GPAT3: variants seen among roughly 807,000 people sequenced by gnomAD.
The protein encoded by GPAT3 is glycerol-3-phosphate acyltransferase 3, also known as 1-AGP acyltransferase 9.
A neutral mutation model predicts 58.8 loss-of-function variants in GPAT3; 53 were observed. That is an observed-to-expected ratio of 0.90 (90% CI 0.72 to 1.13). GPAT3 has a LOEUF of 1.13. Among genes scored for constraint, GPAT3 ranks in the 50% most tolerant of loss-of-function variants. The probability of loss-of-function intolerance (pLI) is 0.00; values close to 1 mark genes in which losing one functional copy is unlikely to be tolerated. For missense variants in GPAT3, 511 were observed against 527.6 expected, an observed-to-expected ratio of 0.97 and a Z score of 0.31; for synonymous variants, 197 against 187.4, an observed-to-expected ratio of 1.05 and a Z score of -0.42.
chr4:83,591,076 A>T (rs919260434), intron 6 of GPAT3, among the ~76,000 whole-genome samples: 2 of 152,070 alleles, frequency 1.3e-5, no homozygotes, highest in African/African-American at 4.8e-5. Context: ...CGCCTTTTCA[A>T]ATTTTCATGG....
chr4:83,549,444 C>CGTGTGTGTGT (rs142294690), intron 2 of GPAT3, among the ~76,000 whole-genome samples: 2 of 145,748 alleles, frequency 1.4e-5, no homozygotes, highest in African/African-American at 2.5e-5. Context: ...TTTTATTTTG[C>CGTGTGTGTGT]GTGTGTGTGT....
chr4:83,546,284 C>CTCTGCTGCTCTTTCATTTAGTGAAA (rs1560602110), intron 2 of GPAT3, among the ~76,000 whole-genome samples: 2 of 152,016 alleles, frequency 1.3e-5, no homozygotes, highest in Admixed American at 6.5e-5. Context: ...TGCACCCGGC[C>CTCTGCTGCTCTTTCATTTAGTGAAA]CAGCCATGAG....
At position 83,581,653 on chromosome 4, in the gene GPAT3, C is replaced by T; in HGVS notation, c.300C>T (p.Ser100=). ...AGCTGTCTGACGTGTTTTATTTCTC[C>T]AAGAAGGGATTGGAAGCCATTGTAG... The part of the protein sequence containing the change: ...DFELSDVFYF[S]KKGLEAIVED... The change falls in exon 3 of 12, where the codon TCC becomes TCT. Residue 100 remains serine, a synonymous_variant. Coordinates refer to ENST00000264409, the MANE Select transcript of GPAT3 (RefSeq NM_032717.5). The T allele has an allele frequency of 6.2e-7, 1 of 1,614,094 alleles. No homozygotes were observed. Among genetic ancestry groups the T allele is most frequent in the African/African-American group, 1.3e-5 (1 of 75,014 alleles).
chr4:83,568,510 C>CTTT (rs149388912), intron 2 of GPAT3, among the ~76,000 whole-genome samples: 2 of 141,720 alleles, frequency 1.4e-5, no homozygotes, highest in African/African-American at 2.6e-5. Flanking sequence ...TTTGTATTCA[C>CTTT]TTTTTTTTTT....
intron 3 of GPAT3, among the ~76,000 whole-genome samples, chr4:83,582,205 T>C (rs374891610): frequency 4.4e-4 from 67 of 152,348 alleles, no homozygotes; most frequent in African/African-American, 1.5e-3. Flanking sequence ...CTGTAAGAGC[T>C]GACCAGAACC....
chr4:83,547,580 AT>A (rs371835775), intron 2 of GPAT3, among the ~76,000 whole-genome samples: 106 of 145,456 alleles, frequency 7.3e-4, no homozygotes, highest in African/African-American at 2.1e-3. Flanking sequence ...AGTGAAACAC[AT>A]TTTTTTTTTT....
chr4:83,568,575 T>C (rs911866840), intron 2 of GPAT3, among the ~76,000 whole-genome samples: 4 of 152,096 alleles, frequency 2.6e-5, no homozygotes, highest in African/African-American at 9.6e-5. Flanking sequence ...TGGCGCGATC[T>C]AGGCTCATTG....
intron 2 of GPAT3, among the ~76,000 whole-genome samples, chr4:83,551,532 G>A (rs1461213406): frequency 6.6e-6 from 1 of 151,950 alleles, no homozygotes; most frequent in South Asian, 2.1e-4. Context: ...AGTGGCTCAT[G>A]CCTGTAATCC....
At chr4:83,550,223 A>G (rs1724703868) in intron 2 of GPAT3, among the ~76,000 whole-genome samples, 1 of 149,324 alleles carries the variant, frequency 6.7e-6, no homozygotes. Flanking sequence ...ATATACAGCT[A>G]GGTTTCACCA....
At chr4:83,565,803 C>T (rs771965544) in intron 2 of GPAT3, among the ~76,000 whole-genome samples, 4 of 152,300 alleles carry the variant, frequency 2.6e-5, no homozygotes, top group Middle Eastern at 3.4e-3. Flanking sequence ...GCTCATGCCC[C>T]GAGCTCTCGG....
At chr4:83,539,227 G>A (rs186807230) in intron 1 of GPAT3, among the ~76,000 whole-genome samples, 31 of 152,314 alleles carry the variant, frequency 2.0e-4, no homozygotes, top group African/African-American at 7.2e-4. Context: ...AACATCTTCA[G>A]TGCTGGCCAA....
chr4:83,552,950 C>T lies in GPAT3; in HGVS notation c.208+8348C>T, dbSNP rs543598691. Among the ~76,000 whole-genome samples the T allele has an allele frequency of 3.3e-5, 5 of 152,266 alleles. No homozygotes were observed. The South Asian group carries it at 8.3e-4, about 25-fold the overall frequency. The stretch of plus-strand genomic sequence containing the variant: ...ATGTGAGGACACAGTGAGAAGATAG[C>T]CATCTGGAAATCGGAAAGAGAGCCC... On this transcript the variant is annotated intron_variant, in intron 2 of 11. Coordinates refer to ENST00000264409, the MANE Select transcript of GPAT3 (RefSeq NM_032717.5).
chr4:83,558,486 GT>G (rs1725017595), intron 2 of GPAT3, among the ~76,000 whole-genome samples: 1 of 152,186 alleles, frequency 6.6e-6, no homozygotes, highest in Admixed American at 6.5e-5. Flanking sequence ...ACTCACCCTG[GT>G]TTCTGCCTGC....
intron 2 of GPAT3, among the ~76,000 whole-genome samples, chr4:83,554,271 G>C (rs1038420933): frequency 3.9e-5 from 6 of 152,168 alleles, no homozygotes; most frequent in Admixed American, 3.9e-4. Flanking sequence ...CAGATTAAAG[G>C]CTGGCTGCCT....
chr4:83,579,026 CTTT>C (rs1560620911), intron 2 of GPAT3, among the ~76,000 whole-genome samples: 573 of 14,420 alleles, frequency 0.04, 44 homozygotes, highest in African/African-American at 0.089. Flanking sequence ...CCCTTTCTTT[CTTT>C]CTTTCTTTCT....
At chr4:83,535,930 C>T (rs1371473067), upstream of GPAT3, 1 of 985,554 alleles carries the variant, frequency 1.0e-6, no homozygotes, top group Non-Finnish European at 1.2e-6. Flanking sequence ...AAACTCTCCT[C>T]CTGAAAGGAC....
intron 2 of GPAT3, among the ~76,000 whole-genome samples, chr4:83,545,444 TAA>T (rs200359970): frequency 2.1e-5 from 3 of 145,954 alleles, no homozygotes; most frequent in Non-Finnish European, 1.5e-5. Flanking sequence ...AGACCTCATT[TAA>T]AAAAAAAAAA....
At chr4:83,544,706 G>A in intron 2 of GPAT3, 104 bp downstream of exon 2, 1 of 1,065,806 alleles carries the variant, frequency 9.4e-7, no homozygotes, top group South Asian at 1.4e-5. Context: ...TGTTCTATAG[G>A]GTTTGGATCT....
At position 83,536,723 on chromosome 4, in the gene GPAT3, T is replaced by A. The variant is rs1282228596; in HGVS notation, c.101T>A (p.Ile34Asn). 6 of 1,516,728 alleles carry A rather than the reference T, an allele frequency of 4.0e-6. No homozygotes were observed. Among genetic ancestry groups the A allele is most frequent in the Non-Finnish European group, 5.3e-6 (6 of 1,130,086 alleles). 94.0% of individuals were successfully genotyped at this position (1,516,728 alleles called of 1,614,324 possible). Residue 34 changes from isoleucine to asparagine, a missense_variant, in exon 1 of 12, where the codon ATC becomes AAC. Transcript: ENST00000264409. ...LPSVFGVSLG[I>N]SEIYMKILVK... Reference sequence around the variant, plus strand: ...TCGGTCTTCGGAGTGTCTCTGGGCATCTCCGAGATCTACATGAAGATCCTA... The same window carrying A: ...TCGGTCTTCGGAGTGTCTCTGGGCAACTCCGAGATCTACATGAAGATCCTA...
Sources: allele counts gnomAD v4.1 joint callset (sites outside exome capture counted in the v4.1 genomes callset), GRCh38; gene constraint gnomAD v4.1.1; transcripts MANE v1.5; gene names NCBI Gene and HGNC (gene_info 2026-07-23, HGNC 2026-07-21).